Variants in ZNG1A observed in about 807,000 individuals in gnomAD.
ZNG1A encodes Zn regulated GTPase metalloprotein activator 1A.
chr9:162,541 A>C, the ZNG1A span: 6 of 1,500,564 alleles, frequency 4.0e-6, no homozygotes, highest in East Asian at 2.3e-5. Flanking sequence ...CCATACTTCA[A>C]AATGAAAATT....
chr9:140,091 C>A, the ZNG1A span, among the ~76,000 whole-genome samples: 629 of 150,844 alleles, frequency 4.2e-3, 41 homozygotes, highest in African/African-American at 0.015. Context: ...CGGGGAGGGG[C>A]GCTGGCCATT....
the ZNG1A span, chr9:154,610 C>G: frequency 1.1e-6 from 1 of 876,296 alleles, no homozygotes; most frequent in Admixed American, 2.2e-5. Flanking sequence ...GCAGCTCAAC[C>G]TTATACCTTA....
the ZNG1A span, among the ~76,000 whole-genome samples, chr9:141,738 C>T: frequency 6.6e-6 from 1 of 151,588 alleles, no homozygotes; most frequent in East Asian, 2.0e-4. Context: ...TTAAAAGACA[C>T]AGACTGGCAA....
chr9:125,097 G>C, the ZNG1A span, among the ~76,000 whole-genome samples: 3,940 of 152,160 alleles, frequency 0.026, 36 homozygotes, highest in Middle Eastern at 0.062. Context: ...TGGACCAAAT[G>C]GTAGTTCTAC....
chr9:167,294 G>A, the ZNG1A span: 61 of 151,196 alleles, frequency 4.0e-4, 1 homozygote, highest in African/African-American at 1.4e-3. Flanking sequence ...TTGAAACTCA[G>A]AGACTATAAT....
chr9:121,457 G>A, the ZNG1A span: 6 of 1,609,846 alleles, frequency 3.7e-6, no homozygotes, highest in East Asian at 1.3e-4. Context: ...GATAAGAAAT[G>A]CCTCTAGTGT....
chr9:164,904 T>A, the ZNG1A span, among the ~76,000 whole-genome samples: 2 of 152,044 alleles, frequency 1.3e-5, no homozygotes, highest in Non-Finnish European at 2.9e-5. Context: ...ATGAAATACC[T>A]GTCAGCTGTT....
At chr9:157,228 C>G in the ZNG1A span, among the ~76,000 whole-genome samples, 10 of 145,480 alleles carry the variant, frequency 6.9e-5, no homozygotes, top group African/African-American at 2.3e-4. Context: ...AATATTTTGA[C>G]ACTGACTTAG....
At chr9:171,789 C>G in the ZNG1A span, 2 of 392,672 alleles carry the variant, frequency 5.1e-6, no homozygotes, top group Admixed American at 8.0e-5. Context: ...AACGTCTCTG[C>G]TCTTCCTACA....
chr9:150,794 C>T, the ZNG1A span: 1 of 938,272 alleles, frequency 1.1e-6, no homozygotes, highest in Non-Finnish European at 1.3e-6. Context: ...ACATAATAAA[C>T]TAATCAAGAC....
At chr9:149,633 T>G in the ZNG1A span, among the ~76,000 whole-genome samples, 1 of 149,842 alleles carries the variant, frequency 6.7e-6, no homozygotes, top group Non-Finnish European at 1.5e-5. Flanking sequence ...TTTGCTTCTG[T>G]TTCCCCCCAA....
At chr9:125,038 C>T in the ZNG1A span, among the ~76,000 whole-genome samples, 3 of 152,156 alleles carry the variant, frequency 2.0e-5, no homozygotes, top group South Asian at 2.1e-4. Flanking sequence ...GTATCTTTTT[C>T]GTATAATGAC....
the ZNG1A span, among the ~76,000 whole-genome samples, chr9:165,454 CA>C: frequency 7.3e-6 from 1 of 137,720 alleles, no homozygotes; most frequent in East Asian, 2.0e-4. Context: ...TGCCAGACTA[CA>C]TGAGAAAGAT....
At chr9:145,413 T>C in the ZNG1A span, among the ~76,000 whole-genome samples, 7,493 of 150,162 alleles carry the variant, frequency 0.05, 277 homozygotes, top group African/African-American at 0.1. Flanking sequence ...ATGGATGAAA[T>C]TGCAAATCAT....
At chr9:143,612 G>T in the ZNG1A span, among the ~76,000 whole-genome samples, 2 of 127,090 alleles carry the variant, frequency 1.6e-5, no homozygotes, top group Non-Finnish European at 3.2e-5. Context: ...AAAACTGGAA[G>T]CATTCCCTTT....
At chr9:139,666 G>T in the ZNG1A span, among the ~76,000 whole-genome samples, 2 of 152,002 alleles carry the variant, frequency 1.3e-5, no homozygotes, top group Admixed American at 1.3e-4. Context: ...GAGCCAAGAT[G>T]GCCAAATAGG....
chr9:128,388 T>TC, the ZNG1A span, among the ~76,000 whole-genome samples: 2 of 151,840 alleles, frequency 1.3e-5, no homozygotes, highest in African/African-American at 4.8e-5. Context: ...TATTCTTTTT[T>TC]CTTTGTCTTT....
At chr9:168,305 G>A in the ZNG1A span, among the ~76,000 whole-genome samples, 27 of 151,588 alleles carry the variant, frequency 1.8e-4, no homozygotes, top group African/African-American at 6.1e-4. Flanking sequence ...CCAGGCTGGA[G>A]TGCAATGTGC....
At chr9:159,442 CCT>C in the ZNG1A span, among the ~76,000 whole-genome samples, 2 of 151,998 alleles carry the variant, frequency 1.3e-5, no homozygotes, top group Non-Finnish European at 2.9e-5. Context: ...CTTACCACCC[CCT>C]CTCAAAAAAA....
Sources: allele counts gnomAD v4.1 joint callset (sites outside exome capture counted in the v4.1 genomes callset), GRCh38; gene constraint gnomAD v4.1.1; transcripts MANE v1.5; gene names NCBI Gene and HGNC (gene_info 2026-07-23, HGNC 2026-07-21).